PEAK1: variants seen among roughly 807,000 people sequenced by gnomAD.
The protein encoded by PEAK1 is pseudopodium enriched atypical kinase 1.
In PEAK1, 54 loss-of-function variants were observed where a neutral mutation model predicts 124.7. The ratio of observed to expected loss-of-function variants is 0.43; its 90% confidence interval spans 0.35 to 0.54. PEAK1 has a LOEUF of 0.54. Ranked by LOEUF, PEAK1 falls within the 20% of genes least tolerant of loss-of-function variation. The pLI is 0.01. For synonymous variants in PEAK1, 719 were observed against 760.0 expected (o/e 0.95, Z 0.89); for missense variants, 2,046 against 2,134.5 (o/e 0.96, Z 0.82).
rs867768110 is a variant in PEAK1 at position 77,264,633 on chromosome 15, C to T, written c.-274-12107G>A. Among the ~76,000 whole-genome samples, 380 of 152,220 alleles carry T rather than the reference C, an allele frequency of 2.5e-3. 3 individuals are homozygous for T. The highest frequency in any genetic ancestry group is 0.024 in the Middle Eastern group (7 of 294). Reference sequence around the variant, plus strand: ...TACCAACAAATGGAAGAACATTCCACGCTCATGGGTAGGAAGAATCAATAT... The same window carrying T: ...TACCAACAAATGGAAGAACATTCCATGCTCATGGGTAGGAAGAATCAATAT... On this transcript the variant is annotated intron_variant, in intron 5 of 9. Transcript: ENST00000682557.
chr15:77,215,383 T>C (rs866279900), intron 6 of PEAK1, among the ~76,000 whole-genome samples: 1 of 152,232 alleles, frequency 6.6e-6, no homozygotes, highest in African/African-American at 2.4e-5. Context: ...TGATAAAGTA[T>C]AGCTATCCCT....
intron 9 of PEAK1, among the ~76,000 whole-genome samples, chr15:77,118,630 T>A (rs929418384): frequency 6.6e-6 from 1 of 152,166 alleles, no homozygotes; most frequent in African/African-American, 2.4e-5. Context: ...GAATTCACAT[T>A]CCTTCTTTAT....
chr15:77,337,101 C>G, intron 2 of PEAK1: 1 of 981,912 alleles, frequency 1.0e-6, no homozygotes, highest in African/African-American at 1.7e-5. Flanking sequence ...AGTAACCAAT[C>G]AAGATGCGGG....
chr15:77,403,844 C>T, intron 1 of PEAK1: 1 of 984,680 alleles, frequency 1.0e-6, no homozygotes, highest in Non-Finnish European at 1.2e-6. Flanking sequence ...AACCTTTATG[C>T]CCATGCCACA....
At chr15:77,138,551 C>A (rs576660679) in intron 8 of PEAK1, among the ~76,000 whole-genome samples, 5 of 152,286 alleles carry the variant, frequency 3.3e-5, no homozygotes, top group Middle Eastern at 6.8e-3. Flanking sequence ...TTAAGATACA[C>A]TGTACACTAT....
intron 2 of PEAK1, among the ~76,000 whole-genome samples, chr15:77,353,735 T>C (rs2141469860): frequency 6.6e-6 from 1 of 152,254 alleles, no homozygotes; most frequent in East Asian, 1.9e-4. Context: ...CAGCAGAATT[T>C]AGGGGAAATA....
chr15:77,323,742 C>T (rs1037874627), intron 2 of PEAK1, among the ~76,000 whole-genome samples: 4 of 152,242 alleles, frequency 2.6e-5, no homozygotes, highest in African/African-American at 4.8e-5. Context: ...CCATCCCCAT[C>T]GAGCTACCAA....
At chr15:77,157,483 C>G (rs965149521) in intron 8 of PEAK1, 1 of 152,214 alleles carries the variant, frequency 6.6e-6, no homozygotes, top group African/African-American at 2.4e-5. Flanking sequence ...TCAAGGAAGA[C>G]GAGTGAAGAT....
chr15:77,130,691 T>C (rs1270348440), intron 9 of PEAK1, among the ~76,000 whole-genome samples: 2 of 152,328 alleles, frequency 1.3e-5, no homozygotes, highest in East Asian at 3.9e-4. Context: ...AAAGGGACTA[T>C]GGGAATGGAG....
At chr15:77,288,018 C>T (rs892112702) in intron 2 of PEAK1, among the ~76,000 whole-genome samples, 2 of 152,152 alleles carry the variant, frequency 1.3e-5, no homozygotes, top group Non-Finnish European at 2.9e-5. Context: ...TAACTCATCT[C>T]CCCATCTCTA....
intron 7 of PEAK1, among the ~76,000 whole-genome samples, chr15:77,168,235 GCGCACACA>G (rs1189321162): frequency 1.7e-5 from 1 of 59,582 alleles, no homozygotes; most frequent in Admixed American, 1.9e-4. Context: ...GCATGTGCGC[GCGCACACA>G]CACACACACA....
At chr15:77,289,991 CGGA>C (rs2152977824) in intron 2 of PEAK1, among the ~76,000 whole-genome samples, 1 of 151,586 alleles carries the variant, frequency 6.6e-6, no homozygotes, top group South Asian at 2.1e-4. Flanking sequence ...TTTTTTGAGA[CGGA>C]GTCTCATTCT....
chr15:77,248,022 G>A (rs2060675673), intron 6 of PEAK1, among the ~76,000 whole-genome samples: 1 of 151,902 alleles, frequency 6.6e-6, no homozygotes, highest in Non-Finnish European at 1.5e-5. Flanking sequence ...CATAATTTGT[G>A]CAGAACTGAT....
chr15:77,419,504 G>A, intron 1 of PEAK1: 1 of 985,200 alleles, frequency 1.0e-6, no homozygotes, highest in Non-Finnish European at 1.2e-6. Context: ...GAGCCACCCG[G>A]CTCCGTCCCG....
At chr15:77,232,816 A>G (rs1159670412) in intron 6 of PEAK1, among the ~76,000 whole-genome samples, 1 of 151,962 alleles carries the variant, frequency 6.6e-6, no homozygotes, top group Admixed American at 6.6e-5. Flanking sequence ...TGTGATCTCT[A>G]TTCACTGCAA....
At chr15:77,366,501 A>G (rs979627550) in intron 1 of PEAK1, among the ~76,000 whole-genome samples, 1 of 152,014 alleles carries the variant, frequency 6.6e-6, no homozygotes, top group Non-Finnish European at 1.5e-5. Context: ...ATAATGTAAT[A>G]TAACAGGCAT....
intron 2 of PEAK1, among the ~76,000 whole-genome samples, chr15:77,293,480 CAT>C (rs2063329144): frequency 1.3e-5 from 2 of 152,166 alleles, no homozygotes; most frequent in African/African-American, 4.8e-5. Context: ...ACCCTTTACA[CAT>C]GTTAGTCCTC....
intron 6 of PEAK1, among the ~76,000 whole-genome samples, chr15:77,238,912 C>T (rs568511516): frequency 6.6e-6 from 1 of 152,296 alleles, no homozygotes; most frequent in South Asian, 2.1e-4. Flanking sequence ...ATACCTTTTG[C>T]AGTATTCCAG....
rs1597009443 is a variant in PEAK1, at chr15:77,266,622, C to T, written c.-274-14096G>A. ...ATATCAAGAATCAGGAAAATCATAA[C>T]TTGAATGAGAAAAGACAATCAATGG... On this transcript the variant is annotated intron_variant, in intron 5 of 9. Coordinates refer to ENST00000682557, the MANE Select transcript of PEAK1 (RefSeq NM_001385026.1). Among the ~76,000 whole-genome samples the T allele has an allele frequency of 3.9e-5, 6 of 152,246 alleles. 1 individual carries two copies. The South Asian group carries it at 1.2e-3, about 32-fold the overall frequency.
Sources: allele counts gnomAD v4.1 joint callset (sites outside exome capture counted in the v4.1 genomes callset), GRCh38; gene constraint gnomAD v4.1.1; transcripts MANE v1.5; gene names NCBI Gene and HGNC (gene_info 2026-07-23, HGNC 2026-07-21).